The following IRX5 variants were observed in gnomAD, a reference collection of about 807,000 sequenced individuals.
IRX5 encodes the protein iroquois homeobox 5.
Under a neutral mutation model 37.6 loss-of-function variants are expected in IRX5, and 8 were observed. The observed-to-expected ratio is 0.21, with a 90% CI of 0.12 to 0.38. The LOEUF (loss-of-function observed/expected upper bound fraction) is 0.38, where lower values mean the gene tolerates loss of function less well. IRX5 is among the 10% of genes least tolerant of loss of function. The pLI is 1.00. For synonymous variants in IRX5, 359 were observed against 328.6 expected (o/e 1.09, Z -1.00); for missense variants, 635 against 695.2 (o/e 0.91, Z 0.97).
In IRX5 at chr16:54,933,749, A is replaced by G. The variant is rs769930523; in HGVS notation, c.1328A>G (p.Asn443Ser). The change falls in exon 3 of 3, where the codon AAC (asparagine) becomes AGC (serine). Residue 443 changes from asparagine (N) to serine (S), a missense_variant. By Grantham distance (46) the Asn-to-Ser change is conservative (BLOSUM62 1). Around this residue, in one of 5 missense-constraint regions of IRX5, gnomAD observed 188 missense variants for 200.8 expected, o/e 0.94. Coordinates refer to ENST00000394636, the MANE Select transcript of IRX5 (RefSeq NM_005853.6). ...TGPGSHFNGL[N>S]QTVLNRADAL... ...CCGGGGTCTCATTTCAATGGATTAA[A>G]CCAGACCGTGTTGAACCGAGCGGAC... The G allele has an allele frequency of 4.3e-6, 7 of 1,614,008 alleles. No individual in the cohort carries two copies. In the South Asian group the frequency reaches 7.7e-5, roughly 18 times the overall value.
Position 54,933,397 on chromosome 16 carries a change from C to G in IRX5, c.976C>G (p.Pro326Ala). ...CCATTCGCCGCCTCCGCCGCCGCCT[C>G]CTGCGGTGCTCGCCAAGCCCAAACT... is the stretch of plus-strand genomic sequence containing the variant. ...VIHSPPPPPPPAVLAKPKLWS... is the reference protein window; with the variant it reads ...VIHSPPPPPPAAVLAKPKLWS... The change falls in exon 3 of 3, where the codon CCT (proline) becomes GCT (alanine). Residue 326 changes from proline to alanine, a missense_variant. Pro to Ala is a conservative substitution (Grantham distance 27, BLOSUM62 -1). This residue lies in a region of IRX5 where 244 missense variants were observed against 205.4 expected (regional missense o/e 1.19). Coordinates refer to ENST00000394636, the MANE Select transcript of IRX5 (RefSeq NM_005853.6). 2 of 1,581,022 alleles carry G rather than the reference C, an allele frequency of 1.3e-6. No homozygotes were observed. The highest frequency in any genetic ancestry group is 2.3e-5 in the South Asian group (2 of 86,074).
Position 54,931,341 on chromosome 16 carries a change from A to G in IRX5, c.143A>G (p.Tyr48Cys). The G allele has an allele frequency of 6.2e-7, 1 of 1,610,298 alleles. No individual in the cohort carries two copies. Among genetic ancestry groups the G allele is most frequent in the Non-Finnish European group, 8.5e-7 (1 of 1,179,560 alleles). Reference protein sequence around the residue: ...RSSSGSAFSPYAGSTAFTAPS... With the variant: ...RSSSGSAFSPCAGSTAFTAPS... ...TCTTCGGGCTCCGCGTTCTCGCCCT[A>G]CGCTGGCTCGACTGCCTTCACGGCG... The change falls in exon 1 of 3, where the codon TAC becomes TGC. Residue 48 changes from tyrosine to cysteine, a missense_variant. Physicochemically the swap from Tyr to Cys is radical, Grantham distance 194 (BLOSUM62 -2). Coordinates refer to ENST00000394636, the MANE Select transcript of IRX5 (RefSeq NM_005853.6).
rs767764857 is a variant in IRX5, at chr16:54,933,331, G to T, written c.910G>T (p.Ala304Ser). The T allele has an allele frequency of 1.3e-4, 188 of 1,466,284 alleles. No individual in the cohort carries two copies. The highest frequency in any genetic ancestry group is 1.6e-4 in the Non-Finnish European group (183 of 1,113,058). The allele number at this position is 1,466,284 out of a possible 1,614,324, so 90.8% of individuals were successfully genotyped here. ...GCCGGCGCCCGGCCCGCATCCAGCC[G>T]CGGGCGAGGTGCCTCCGGGTCCCGG... ...GAPAPGPHPAAGEVPPGPGGP... is the reference protein window; with the variant it reads ...GAPAPGPHPASGEVPPGPGGP... Residue 304 changes from alanine to serine, a missense_variant, in exon 3 of 3, where the codon GCG (alanine) becomes TCG (serine). Coordinates refer to ENST00000394636, the MANE Select transcript of IRX5 (RefSeq NM_005853.6).
chr16:54,933,755 C>T lies in IRX5; in HGVS notation c.1334C>T (p.Thr445Ile), dbSNP rs780097959. ...PGSHFNGLNQ[T>I]VLNRADALAK... ...TCTCATTTCAATGGATTAAACCAGA[C>T]CGTGTTGAACCGAGCGGACGCTTTG... The change falls in exon 3 of 3, where the codon ACC (threonine) becomes ATC (isoleucine). Residue 445 changes from threonine (T) to isoleucine (I), a missense_variant. Coordinates refer to ENST00000394636, the MANE Select transcript of IRX5 (RefSeq NM_005853.6). 6.2e-6 allele frequency: 10 copies of T among 1,614,050 alleles called. No individual in the cohort carries two copies. The South Asian group carries it at 9.9e-5, about 16-fold the overall frequency.
Position 54,932,989 on chromosome 16 carries a change from T to C in IRX5, c.655+86T>C. 1.9e-6 allele frequency: 3 copies of C among 1,593,454 alleles called. No homozygotes were observed. The highest frequency in any genetic ancestry group is 2.6e-6 in the Non-Finnish European group (3 of 1,172,398). ...GGGGGCGCGCACGGGGCCTGGAGGT[T>C]GGGGGCAGGGGTCCCTGCCTTTGCG... is the stretch of plus-strand genomic sequence containing the variant. On this transcript the variant is annotated intron_variant, in intron 2 of 2. Coordinates refer to ENST00000394636, the MANE Select transcript of IRX5 (RefSeq NM_005853.6). This position sits in a 1 kb window ranked among gnomAD's most constrained non-coding sequence, Gnocchi z 6.7.
Position 54,930,978 on chromosome 16 carries a change from TG to T in IRX5, c.-217del. The T allele has an allele frequency of 6.5e-6, 1 of 152,912 alleles. No individual in the cohort carries two copies. The highest frequency in any genetic ancestry group is 1.4e-5 in the Non-Finnish European group (1 of 70,762). The allele number at this position is 152,912 out of a possible 1,614,324, so 9.5% of individuals were successfully genotyped here. On this transcript the variant is annotated 5_prime_UTR_variant, in exon 1 of 3. Transcript: ENST00000394636. ...GAGGGGAGGGGAAAAAAAGCCCAGC[TG>T]GGGCGAGCGAGGCGCGCAGAGGAGC...
At position 54,932,095 on chromosome 16, in the gene IRX5, T is replaced by A; in HGVS notation, c.250-403T>A. 1 of 702,738 alleles carries A rather than the reference T, an allele frequency of 1.4e-6. No homozygotes were observed. The highest frequency in any genetic ancestry group is 2.6e-6 in the Non-Finnish European group (1 of 384,962). The allele number at this position is 702,738 out of a possible 1,614,324, so 43.5% of individuals were successfully genotyped here. Reference sequence around the variant, plus strand: ...AAAAGAGCCTTGACTTCCCTTGTTTTCCCCCCTTGCGCCCAACGTGCGTCC... The same window carrying A: ...AAAAGAGCCTTGACTTCCCTTGTTTACCCCCCTTGCGCCCAACGTGCGTCC... On this transcript the variant is annotated intron_variant, in intron 1 of 2. Transcript: ENST00000394636. This position sits in a 1 kb window ranked among gnomAD's most constrained non-coding sequence, Gnocchi z 6.7.
Position 54,933,395 on chromosome 16 carries a change from C to G in IRX5, c.974C>G (p.Pro325Arg). The change falls in exon 3 of 3, where the codon CCT (proline) becomes CGT (arginine). Residue 325 changes from proline (P) to arginine (R), a missense_variant. This residue lies in a region of IRX5 where 244 missense variants were observed against 205.4 expected (regional missense o/e 1.19). Transcript: ENST00000394636. ...ATCCATTCGCCGCCTCCGCCGCCGC[C>G]TCCTGCGGTGCTCGCCAAGCCCAAA... ...SVIHSPPPPP[P>R]PAVLAKPKLW... 1 of 1,578,084 alleles carries G rather than the reference C, an allele frequency of 6.3e-7. No homozygotes were observed. Among genetic ancestry groups the G allele is most frequent in the Non-Finnish European group, 8.6e-7 (1 of 1,164,710 alleles).
In IRX5 at chr16:54,932,389, G is replaced by A; in HGVS notation, c.250-109G>A. The A allele has an allele frequency of 1.6e-6, 2 of 1,288,268 alleles. No individual in the cohort carries two copies. The highest frequency in any genetic ancestry group is 2.1e-6 in the Non-Finnish European group (2 of 947,142). The allele number at this position is 1,288,268 out of a possible 1,614,324, so 79.8% of individuals were successfully genotyped here. A position where few individuals can be genotyped will look rare whatever the true frequency, so the allele number is the denominator to read the frequency against. On this transcript the variant is annotated intron_variant, in intron 1 of 2. Transcript: ENST00000394636. This position sits in a 1 kb window ranked among gnomAD's most constrained non-coding sequence, Gnocchi z 6.7. ...TGCCCCGTAGGAAGCTGGAGTGCGG[G>A]CCTCGTCCACCCACAGACCCCGGGG... is the stretch of plus-strand genomic sequence containing the variant.
In IRX5 at chr16:54,933,445, A is replaced by G; in HGVS notation, c.1024A>G (p.Thr342Ala). Residue 342 changes from threonine (T) to alanine (A), a missense_variant, in exon 3 of 3, where the codon ACA becomes GCA. Physicochemically the swap from Thr to Ala is moderately conservative, Grantham distance 58. Around this residue, in one of 5 missense-constraint regions of IRX5, gnomAD observed 188 missense variants for 200.8 expected, o/e 0.94. Coordinates refer to ENST00000394636, the MANE Select transcript of IRX5 (RefSeq NM_005853.6). ...ACTGTGGTCTTTGGCAGAGATCGCC[A>G]CATCGTCGGACAAGGTCAAGGACGG... ...PKLWSLAEIA[T>A]SSDKVKDGGG... The G allele has an allele frequency of 6.2e-7, 1 of 1,611,712 alleles. No homozygotes were observed. Among genetic ancestry groups the G allele is most frequent in the Middle Eastern group, 1.7e-4 (1 of 6,058 alleles).
rs1288712307 is a variant in IRX5, at chr16:54,933,349, G to C, written c.928G>C (p.Gly310Arg). Residue 310 changes from glycine to arginine, a missense_variant, in exon 3 of 3, where the codon GGT (glycine) becomes CGT (arginine). Physicochemically the swap from Gly to Arg is moderately radical, Grantham distance 125. Transcript: ENST00000394636. ...TCCAGCCGCGGGCGAGGTGCCTCCG[G>C]GTCCCGGCGGGCCCTCGGTTATCCA... is the stretch of plus-strand genomic sequence containing the variant. Reference protein sequence around the residue: ...PHPAAGEVPPGPGGPSVIHSP... With the variant: ...PHPAAGEVPPRPGGPSVIHSP... 3.0e-5 allele frequency: 45 copies of C among 1,493,716 alleles called. No homozygotes were observed. The highest frequency in any genetic ancestry group is 3.7e-5 in the Non-Finnish European group (42 of 1,126,254). 92.5% of individuals were successfully genotyped at this position (1,493,716 alleles called of 1,614,324 possible). A position where few individuals can be genotyped will look rare whatever the true frequency, so the allele number is the denominator to read the frequency against.
In IRX5 at chr16:54,931,208, C is replaced by T; in HGVS notation, c.10C>T (p.Pro4Ser). 1 of 1,609,056 alleles carries T rather than the reference C, an allele frequency of 6.2e-7. No individual in the cohort carries two copies. MSY[P>S]QGYLYQPSAS... ...ATGCCCGTGTGTGGCCATGTCCTATCCGCAGGGCTACTTGTACCAGCCGTC... is the reference window on the plus strand; with the variant it reads ...ATGCCCGTGTGTGGCCATGTCCTATTCGCAGGGCTACTTGTACCAGCCGTC... The change falls in exon 1 of 3, where the codon CCG (proline) becomes TCG (serine). Residue 4 changes from proline to serine, a missense_variant. Around this residue, in one of 5 missense-constraint regions of IRX5, gnomAD observed 145 missense variants for 152.4 expected, o/e 0.95. Transcript: ENST00000394636.
Position 54,933,499 on chromosome 16 carries a change from C to G in IRX5, c.1078C>G (p.Pro360Ala). 6.2e-7 allele frequency: 1 copy of G among 1,611,046 alleles called. No homozygotes were observed. Among genetic ancestry groups the G allele is most frequent in the Non-Finnish European group, 8.5e-7 (1 of 1,179,044 alleles). Residue 360 changes from proline to alanine, a missense_variant, in exon 3 of 3, where the codon CCA (proline) becomes GCA (alanine). Transcript: ENST00000394636. Reference sequence around the variant, plus strand: ...CGGCGGGAACGAGGGCTCTCCATGCCCACCGTGTCCCGGGCCCATAGCCGG... The same window carrying G: ...CGGCGGGAACGAGGGCTCTCCATGCGCACCGTGTCCCGGGCCCATAGCCGG... The part of the protein sequence containing the change: ...GGGGNEGSPC[P>A]PCPGPIAGQA...
At position 54,933,020 on chromosome 16, in the gene IRX5, G is replaced by A. The variant is rs1047220206; in HGVS notation, c.656-57G>A. The A allele has an allele frequency of 1.0e-5, 16 of 1,604,158 alleles. No homozygotes were observed. The Admixed American group carries it at 2.5e-4, about 25-fold the overall frequency. ...CAGGGGTCCCTGCCTTTGCGGGCGG[G>A]AACCGGGTCCCGCCGCGCGGCCTCT... On this transcript the variant is annotated intron_variant, in intron 2 of 2. Transcript: ENST00000394636.
Position 54,931,368 on chromosome 16 carries a change from CCTCGCCGGGCTACAA to C in IRX5, c.176_190del (p.Pro59_Ser63del). The C allele has an allele frequency of 6.2e-7, 1 of 1,605,360 alleles. No individual in the cohort carries two copies. Among genetic ancestry groups the C allele is most frequent in the South Asian group, 1.1e-5 (1 of 90,972 alleles). ...GCTGGCTCGACTGCCTTCACGGCGC[CCTCGCCGGGCTACAA>C]CTCGCACCTCCAGTACGGCGCCGAC... On this transcript the variant is annotated inframe_deletion, in exon 1 of 3. Transcript: ENST00000394636.
chr16:54,933,372 C>T lies in IRX5; in HGVS notation c.951C>T (p.Ile317=), dbSNP rs1403864167. 6 of 1,531,966 alleles carry T rather than the reference C, an allele frequency of 3.9e-6. No homozygotes were observed. The African/African-American group carries it at 8.4e-5, about 21-fold the overall frequency. 94.9% of individuals were successfully genotyped at this position (1,531,966 alleles called of 1,614,324 possible). A position where few individuals can be genotyped will look rare whatever the true frequency, so the allele number is the denominator to read the frequency against. Residue 317 remains isoleucine (I), a synonymous_variant, in exon 3 of 3, where the codon ATC becomes ATT. Coordinates refer to ENST00000394636, the MANE Select transcript of IRX5 (RefSeq NM_005853.6). ...CGGGTCCCGGCGGGCCCTCGGTTAT[C>T]CATTCGCCGCCTCCGCCGCCGCCTC... ...VPPGPGGPSV[I]HSPPPPPPPA...
Position 54,932,588 on chromosome 16 carries a change from C to G in IRX5, c.340C>G (p.Pro114Ala). 1 of 1,614,030 alleles carries G rather than the reference C, an allele frequency of 6.2e-7. No homozygotes were observed. Among genetic ancestry groups the G allele is most frequent in the Non-Finnish European group, 8.5e-7 (1 of 1,180,000 alleles). Residue 114 changes from proline (P) to alanine (A), a missense_variant, in exon 2 of 3, where the codon CCA (proline) becomes GCA (alanine). This residue lies in a region of IRX5 where 55 missense variants were observed against 120.5 expected (regional missense o/e 0.46). Coordinates refer to ENST00000394636, the MANE Select transcript of IRX5 (RefSeq NM_005853.6). The surrounding 1 kb of genome is among the most constrained non-coding windows in gnomAD (Gnocchi z 6.7). ...APLGSYPYGD[P>A]AYRKNATRDA... is the part of the protein sequence containing the mutation. ...CCTGGGATCGTACCCTTACGGGGAC[C>G]CAGCGTACCGGAAGAACGCCACAAG... is the stretch of plus-strand genomic sequence containing the variant.
chr16:54,932,267 T>C lies in IRX5; in HGVS notation c.250-231T>C. 1.5e-6 allele frequency: 1 copy of C among 668,028 alleles called. No individual in the cohort carries two copies. Among genetic ancestry groups the C allele is most frequent in the Non-Finnish European group, 2.7e-6 (1 of 371,598 alleles). The allele number at this position is 668,028 out of a possible 1,614,324, so 41.4% of individuals were successfully genotyped here. ...GGGGTGACACCGAGGCCGGGACAGC[T>C]TCAGGGGCCCCAGAAGGACCTGACC... is the stretch of plus-strand genomic sequence containing the variant. On this transcript the variant is annotated intron_variant, in intron 1 of 2. Transcript: ENST00000394636. This position sits in a 1 kb window ranked among gnomAD's most constrained non-coding sequence, Gnocchi z 6.7.
Position 54,933,652 on chromosome 16 carries a change from G to A in IRX5, c.1231G>A (p.Gly411Ser). Residue 411 changes from glycine (G) to serine (S), a missense_variant, in exon 3 of 3, where the codon GGC becomes AGC. By Grantham distance (56) the Gly-to-Ser change is moderately conservative (BLOSUM62 0). Around this residue, in one of 5 missense-constraint regions of IRX5, gnomAD observed 188 missense variants for 200.8 expected, o/e 0.94. Transcript: ENST00000394636. ...PLYYTAPFYPGYTNYGSFGHL... is the reference protein window; with the variant it reads ...PLYYTAPFYPSYTNYGSFGHL... The stretch of plus-strand genomic sequence containing the variant: ...CTACTACACCGCGCCCTTCTATCCC[G>A]GCTACACGAACTATGGCTCCTTCGG... The A allele has an allele frequency of 6.2e-7, 1 of 1,611,538 alleles. No individual in the cohort carries two copies. Among genetic ancestry groups the A allele is most frequent in the Non-Finnish European group, 8.5e-7 (1 of 1,178,180 alleles).
Sources: allele counts gnomAD v4.1 joint callset, GRCh38; gene constraint gnomAD v4.1.1; regional missense constraint gnomAD v4.1.1; non-coding constraint Gnocchi (gnomAD v3.1); transcripts MANE v1.5; gene names NCBI Gene and HGNC (gene_info 2026-07-23, HGNC 2026-07-21).